Variants in GABRG1 observed in about 807,000 individuals in gnomAD.
The protein encoded by GABRG1 is gamma-aminobutyric acid receptor subunit gamma-1.
In GABRG1, 49 loss-of-function variants were observed where a neutral mutation model predicts 49.8. That is an observed-to-expected ratio of 0.98 (90% CI 0.78 to 1.25). The LOEUF (loss-of-function observed/expected upper bound fraction) is 1.25, where lower values mean the gene tolerates loss of function less well. GABRG1 is among the 50% of genes most tolerant of loss of function. The pLI is 0.00. For missense variants in GABRG1, 552 were observed against 552.3 expected (o/e 1.00, Z 0.01); for synonymous variants, 232 against 185.1 (o/e 1.25, Z -2.06).
chr4:46,119,870 G>C (rs16859097), intron 1 of GABRG1, among the ~76,000 whole-genome samples: 13,873 of 151,584 alleles, frequency 0.092, 1,566 homozygotes, highest in African/African-American at 0.27. Flanking sequence ...AACACACAAG[G>C]ATCCATATAT....
Position 46,041,150 on chromosome 4 carries a change from A to G in GABRG1, c.1236T>C (p.Cys412=). 6.2e-7 allele frequency: 1 copy of G among 1,613,224 alleles called. No individual in the cohort carries two copies. Among genetic ancestry groups the G allele is most frequent in the Non-Finnish European group, 8.5e-7 (1 of 1,179,418 alleles). The part of the protein sequence containing the change: ...YGYQCLEGKD[C]ASFFCCFEDC... ...CTTCAAAGCAACAGAAGAAGCTGGC[A>G]CAATCTTTGCCCTCCAAACACTGAT... Residue 412 remains cysteine, a synonymous_variant, in exon 9 of 9, where the codon TGT becomes TGC. Coordinates refer to ENST00000295452, the MANE Select transcript of GABRG1 (RefSeq NM_173536.4).
In GABRG1 at chr4:46,065,344, G is replaced by T; in HGVS notation, c.542+20C>A. 5 of 1,446,842 alleles carry T rather than the reference G, an allele frequency of 3.5e-6. No individual in the cohort carries two copies. The highest frequency in any genetic ancestry group is 2.5e-5 in the South Asian group (2 of 81,264). 89.6% of individuals were successfully genotyped at this position (1,446,842 alleles called of 1,614,324 possible). On this transcript the variant is annotated intron_variant, in intron 4 of 8. Coordinates refer to ENST00000295452, the MANE Select transcript of GABRG1 (RefSeq NM_173536.4). ...TGGAAAATAAATGAGAGCAACTACAGATTTTTAAACCAATATTACCTTAGA... is the reference window on the plus strand; with the variant it reads ...TGGAAAATAAATGAGAGCAACTACATATTTTTAAACCAATATTACCTTAGA...
At chr4:46,075,791 A>T (rs1392529463) in intron 3 of GABRG1, among the ~76,000 whole-genome samples, 4 of 152,094 alleles carry the variant, frequency 2.6e-5, no homozygotes, top group Admixed American at 1.3e-4. Context: ...TTTGGAGTTT[A>T]TATAATATCT....
chr4:46,081,989 A>C (rs1719591715), intron 3 of GABRG1, among the ~76,000 whole-genome samples: 1 of 151,878 alleles, frequency 6.6e-6, no homozygotes, highest in Non-Finnish European at 1.5e-5. Flanking sequence ...TTAAACCACC[A>C]GTCTGTGCTA....
chr4:46,058,183 C>A (rs769698999), intron 7 of GABRG1, 34 bp downstream of exon 7: 4 of 1,567,276 alleles, frequency 2.6e-6, no homozygotes, highest in Non-Finnish European at 3.5e-6. Context: ...TTTTAAAGTT[C>A]TATGGCATTA....
At chr4:46,114,276 G>T (rs1207241519) in intron 1 of GABRG1, among the ~76,000 whole-genome samples, 1 of 150,922 alleles carries the variant, frequency 6.6e-6, no homozygotes, top group East Asian at 2.0e-4. Flanking sequence ...TTAAAGAGGA[G>T]AATTGATAAT....
intron 4 of GABRG1, 56 bp downstream of exon 4, chr4:46,065,308 A>T (rs2109408813): frequency 8.3e-7 from 1 of 1,205,398 alleles, no homozygotes; most frequent in Non-Finnish European, 1.2e-6. Context: ...AGAATTGATT[A>T]AATATTAGTA....
chr4:46,045,211 G>C (rs1353672240), intron 8 of GABRG1, among the ~76,000 whole-genome samples: 1 of 152,002 alleles, frequency 6.6e-6, no homozygotes, highest in African/African-American at 2.4e-5. Flanking sequence ...ACTTGAGGAA[G>C]TAATACATCC....
At chr4:46,053,170 A>T (rs1718296996) in intron 7 of GABRG1, among the ~76,000 whole-genome samples, 1 of 151,776 alleles carries the variant, frequency 6.6e-6, no homozygotes, top group Non-Finnish European at 1.5e-5. Flanking sequence ...ATACAAGGCC[A>T]TTGTCAGTTA....
chr4:46,107,180 T>C (rs1353995583), intron 1 of GABRG1, among the ~76,000 whole-genome samples: 1 of 151,274 alleles, frequency 6.6e-6, no homozygotes, highest in Non-Finnish European at 1.5e-5. Flanking sequence ...TTGTACCCAT[T>C]ATGTGGTTTT....
At chr4:46,082,126 T>C (rs1719598924) in intron 3 of GABRG1, among the ~76,000 whole-genome samples, 1 of 151,852 alleles carries the variant, frequency 6.6e-6, no homozygotes, top group Non-Finnish European at 1.5e-5. Context: ...TTATTAGCGT[T>C]TGGAACTGAA....
chr4:46,045,860 A>T (rs887916963), intron 8 of GABRG1, among the ~76,000 whole-genome samples: 4 of 151,956 alleles, frequency 2.6e-5, no homozygotes, highest in African/African-American at 9.7e-5. Flanking sequence ...CCAATACACC[A>T]GGTCAATAAC....
intron 1 of GABRG1, among the ~76,000 whole-genome samples, chr4:46,113,006 T>C (rs1720770351): frequency 6.6e-6 from 1 of 151,088 alleles, no homozygotes; most frequent in African/African-American, 2.4e-5. Flanking sequence ...CCACTTCAAA[T>C]TCTTATCTCC....
chr4:46,104,025 C>A (rs949749682), intron 1 of GABRG1, among the ~76,000 whole-genome samples: 1 of 151,272 alleles, frequency 6.6e-6, no homozygotes. Context: ...GTTTAGATAT[C>A]TTCATGTCCT....
chr4:46,087,369 T>A (rs1719809943), intron 2 of GABRG1, among the ~76,000 whole-genome samples: 1 of 151,656 alleles, frequency 6.6e-6, no homozygotes, highest in Non-Finnish European at 1.5e-5. Context: ...CATTATTGTG[T>A]CATGCTTATA....
At chr4:46,058,409 A>C in intron 6 of GABRG1, 40 bp from the exon 7 acceptor site, 1 of 1,595,720 alleles carries the variant, frequency 6.3e-7, no homozygotes, top group Non-Finnish European at 8.5e-7. Flanking sequence ...ATATAATATA[A>C]ATCACAATCC....
chr4:46,062,593 T>C (rs1008396312), intron 5 of GABRG1, among the ~76,000 whole-genome samples: 3 of 152,218 alleles, frequency 2.0e-5, no homozygotes, highest in Non-Finnish European at 4.4e-5. Context: ...TGGTATCACA[T>C]TCTGCTTTTG....
chr4:46,110,381 T>C (rs1474151907), intron 1 of GABRG1, among the ~76,000 whole-genome samples: 1 of 151,080 alleles, frequency 6.6e-6, no homozygotes, highest in Non-Finnish European at 1.5e-5. Flanking sequence ...ATCTAAACTT[T>C]ATTTTGAGCT....
At position 46,084,032 on chromosome 4, in the gene GABRG1, G is replaced by A; in HGVS notation, c.275C>T (p.Thr92Ile). 2.5e-6 allele frequency: 4 copies of A among 1,585,544 alleles called. No homozygotes were observed. The highest frequency in any genetic ancestry group is 3.4e-6 in the Non-Finnish European group (4 of 1,159,906). ...TCCAATGCTGTTTACATAAACATCA[G>A]TTTCAATTACTGTGGGCCTCACTGC... ...DIGVRPTVIE[T>I]DVYVNSIGPV... Residue 92 changes from threonine (T) to isoleucine (I), a missense_variant, in exon 3 of 9, where the codon ACT (threonine) becomes ATT (isoleucine). Transcript: ENST00000295452.
Sources: allele counts gnomAD v4.1 joint callset (sites outside exome capture counted in the v4.1 genomes callset), GRCh38; gene constraint gnomAD v4.1.1; transcripts MANE v1.5; gene names NCBI Gene and HGNC (gene_info 2026-07-23, HGNC 2026-07-21).